SLC36A2: variants seen among roughly 807,000 people sequenced by gnomAD.
SLC36A2 encodes solute carrier family 36 member 2, also known as proton-coupled amino acid transporter 2.
Under a neutral mutation model 42.7 loss-of-function variants are expected in SLC36A2, and 39 were observed. The observed-to-expected ratio is 0.91, with a 90% confidence interval of 0.71 to 1.19. The LOEUF is 1.19. Among genes scored for constraint, SLC36A2 ranks in the 50% most tolerant of loss-of-function variants. SLC36A2 has a pLI of 0.00. For synonymous variants in SLC36A2, 237 were observed against 240.8 expected, an observed-to-expected ratio of 0.98 and a Z score of 0.15; for missense variants, 590 against 613.7, an observed-to-expected ratio of 0.96 and a Z score of 0.41.
intron 3 of SLC36A2, 118 bp from the exon 4 acceptor site, chr5:151,343,101 G>T: frequency 1.2e-6 from 1 of 821,802 alleles, no homozygotes; most frequent in Non-Finnish European, 2.1e-6. Flanking sequence ...AAGAACACAG[G>T]GGCAGAGACC....
intron 1 of SLC36A2, among the ~76,000 whole-genome samples, chr5:151,346,661 G>A (rs1054272690): frequency 9.9e-5 from 15 of 152,142 alleles, no homozygotes; most frequent in Non-Finnish European, 1.5e-5. Flanking sequence ...TTGGGTGGTG[G>A]GGTCAGATGT....
chr5:151,338,889 A>G (rs1235766323), intron 5 of SLC36A2, 171 bp downstream of exon 5: 3 of 592,586 alleles, frequency 5.1e-6, no homozygotes, highest in African/African-American at 3.7e-5. Context: ...AAAAGTAACC[A>G]CACAGAGATC....
intron 6 of SLC36A2, among the ~76,000 whole-genome samples, chr5:151,334,894 C>G (rs1351730690): frequency 6.6e-6 from 1 of 151,834 alleles, no homozygotes; most frequent in Non-Finnish European, 1.5e-5. Flanking sequence ...CTATGTATAT[C>G]TCTGTGACTA....
chr5:151,344,619 T>C (rs1756444274), intron 1 of SLC36A2, among the ~76,000 whole-genome samples: 1 of 152,226 alleles, frequency 6.6e-6, no homozygotes, highest in South Asian at 2.1e-4. Flanking sequence ...AGAGATTTGT[T>C]AATGACTTAT....
chr5:151,342,857 C>A lies in SLC36A2; in HGVS notation c.440+31G>T, dbSNP rs375689448. Reference sequence around the variant, plus strand: ...CAGCATTTTCTCCTCCTGTGTCCTACCCCACTGCAGGCAAAGCAAGAACAG... The same window carrying A: ...CAGCATTTTCTCCTCCTGTGTCCTAACCCACTGCAGGCAAAGCAAGAACAG... On this transcript the variant is annotated intron_variant, in intron 4 of 9. Transcript: ENST00000335244. 23 of 1,583,366 alleles carry A rather than the reference C, an allele frequency of 1.5e-5. No homozygotes were observed. In the African/African-American group the frequency reaches 3.1e-4, roughly 21 times the overall value.
At chr5:151,340,717 A>G (rs1390035543) in intron 4 of SLC36A2, among the ~76,000 whole-genome samples, 1 of 152,230 alleles carries the variant, frequency 6.6e-6, no homozygotes, top group African/African-American at 2.4e-5. Context: ...AGATACAACA[A>G]GAAGGTCTTT....
intron 8 of SLC36A2, among the ~76,000 whole-genome samples, chr5:151,324,429 T>C (rs1755794384): frequency 6.6e-6 from 1 of 151,988 alleles, no homozygotes; most frequent in Admixed American, 6.6e-5. Context: ...GCCTCCCAGG[T>C]TTAAGTGATT....
chr5:151,347,097 G>A (rs1756516856), intron 1 of SLC36A2, among the ~76,000 whole-genome samples, 200 bp downstream of exon 1: 1 of 152,180 alleles, frequency 6.6e-6, no homozygotes, highest in Admixed American at 6.5e-5. Context: ...TTTGGGATCT[G>A]GATCACTATG....
Position 151,317,694 on chromosome 5 carries a change from A to C in SLC36A2, c.1181-606T>G, listed in dbSNP as rs141803649. Among the ~76,000 whole-genome samples the C allele has an allele frequency of 6.1e-4, 93 of 152,292 alleles. 1 individual carries two copies. Among genetic ancestry groups the C allele is most frequent in the African/African-American group, 2.2e-3 (90 of 41,554 alleles). ...GGTAACATAGTGAGACCCCATCTCA[A>C]AACAACAATAACAAAATTTGGTGAG... On this transcript the variant is annotated intron_variant, in intron 9 of 9. Coordinates refer to ENST00000335244, the MANE Select transcript of SLC36A2 (RefSeq NM_181776.3).
intron 4 of SLC36A2, among the ~76,000 whole-genome samples, chr5:151,342,217 T>A (rs1485571003): frequency 6.6e-6 from 1 of 152,212 alleles, no homozygotes; most frequent in Non-Finnish European, 1.5e-5. Flanking sequence ...TGGCTCCTTC[T>A]TCAGTTCCAC....
In SLC36A2 at chr5:151,347,488, G is replaced by C. The variant is rs907902295; in HGVS notation, c.-28C>G. ...CTGCTTAAGAAACAAGGAGCTCGGG[G>C]TGACAAAGAGGTCTGCTCTGGAAGG... On this transcript the variant is annotated 5_prime_UTR_variant, in exon 1 of 10. Coordinates refer to ENST00000335244, the MANE Select transcript of SLC36A2 (RefSeq NM_181776.3). The C allele has an allele frequency of 6.2e-7, 1 of 1,612,534 alleles. No homozygotes were observed. The highest frequency in any genetic ancestry group is 2.2e-5 in the East Asian group (1 of 44,870).
Position 151,335,551 on chromosome 5 carries a change from A to G in SLC36A2, c.526-4T>C. 6.2e-7 allele frequency: 1 copy of G among 1,602,636 alleles called. No individual in the cohort carries two copies. On this transcript the variant is annotated splice_region_variant and splice_polypyrimidine_tract_variant and intron_variant, in intron 5 of 9. Transcript: ENST00000335244. ...TGCTATTAACAGCTTCCACTACCTG[A>G]GGAAGGAATGGGAGAGGCAAAAGGG...
intron 7 of SLC36A2, among the ~76,000 whole-genome samples, chr5:151,330,482 C>T (rs1201290557): frequency 6.6e-6 from 1 of 152,114 alleles, no homozygotes; most frequent in African/African-American, 2.4e-5. Flanking sequence ...AAAATAAAGA[C>T]AATCTCAGAT....
intron 9 of SLC36A2, among the ~76,000 whole-genome samples, chr5:151,318,749 A>T (rs938081016): frequency 6.6e-6 from 1 of 152,016 alleles, no homozygotes; most frequent in Admixed American, 6.6e-5. Flanking sequence ...GTTGGAAGAA[A>T]ATCCGGGAGG....
At chr5:151,334,902 C>T (rs1756103469) in intron 6 of SLC36A2, among the ~76,000 whole-genome samples, 1 of 151,732 alleles carries the variant, frequency 6.6e-6, no homozygotes, top group Non-Finnish European at 1.5e-5. Flanking sequence ...ATCTCTGTGA[C>T]TAAATATTAG....
In SLC36A2 at chr5:151,329,743, C is replaced by A. The variant is rs201270710; in HGVS notation, c.843+3481G>T. Among the ~76,000 whole-genome samples the A allele has an allele frequency of 3.0e-4, 46 of 152,246 alleles. No individual in the cohort carries two copies. In the East Asian group the frequency reaches 8.7e-3, roughly 29 times the overall value. On this transcript the variant is annotated intron_variant, in intron 7 of 9. Transcript: ENST00000335244. ...TGAGGATAAACAGGAATGACAAAAT[C>A]TGAACAACAAAGAGCAAAGAGATTT...
At position 151,325,330 on chromosome 5, in the gene SLC36A2, T is replaced by G; in HGVS notation, c.966A>C (p.Gly322=). Residue 322 remains glycine, a synonymous_variant, in exon 8 of 10, where the codon GGA becomes GGC. Transcript: ENST00000335244. ...GGCTTATGCTGGCCTTGATGTCATC[T>G]CCAAACCGCAGGTAGCCCAGAGCCG... is the stretch of plus-strand genomic sequence containing the variant. ...GMAALGYLRF[G]DDIKASISLN... is the part of the protein sequence containing the mutation. 1 of 1,613,896 alleles carries G rather than the reference T, an allele frequency of 6.2e-7. No homozygotes were observed. Among genetic ancestry groups the G allele is most frequent in the Non-Finnish European group, 8.5e-7 (1 of 1,179,966 alleles).
intron 7 of SLC36A2, among the ~76,000 whole-genome samples, chr5:151,330,116 C>T (rs1051402634): frequency 1.3e-5 from 2 of 150,830 alleles, no homozygotes; most frequent in African/African-American, 4.9e-5. Flanking sequence ...TTGGGATCTC[C>T]GATGGAGAAG....
Position 151,325,393 on chromosome 5 carries a change from C to T in SLC36A2, c.903G>A (p.Leu301=). ...ATAGGGAAGTGACGATGGACATTCC[C>T]AAAGACAGGATGGCTGGGAAGTGGC... ...NARHFPAILS[L]GMSIVTSLYI... is the part of the protein sequence containing the mutation. Residue 301 remains leucine (L), a synonymous_variant, in exon 8 of 10, where the codon TTG becomes TTA. Transcript: ENST00000335244. 2 of 1,614,160 alleles carry T rather than the reference C, an allele frequency of 1.2e-6. No homozygotes were observed. Among genetic ancestry groups the T allele is most frequent in the Non-Finnish European group, 1.7e-6 (2 of 1,180,042 alleles).
Sources: gnomAD v4.1 joint callset for allele counts (sites outside exome capture counted in the v4.1 genomes callset) on GRCh38, gnomAD v4.1.1 for gene constraint, MANE v1.5 for transcripts, NCBI Gene and HGNC (gene_info 2026-07-23, HGNC 2026-07-21) for gene names.